Variants in MTFR1 observed in about 807,000 individuals in gnomAD.
The protein encoded by MTFR1 is mitochondrial fission regulator 1.
A neutral mutation model predicts 38.8 loss-of-function variants in MTFR1; 28 were observed. The observed-to-expected ratio is 0.72, with a 90% CI of 0.53 to 0.99. The LOEUF (loss-of-function observed/expected upper bound fraction) is 0.99, where lower values mean the gene tolerates loss of function less well. MTFR1 is among the 50% of genes least tolerant of loss of function. The probability of loss-of-function intolerance (pLI) is 0.00; values close to 1 mark genes in which losing one functional copy is unlikely to be tolerated. For synonymous variants in MTFR1, 145 were observed against 137.0 expected (o/e 1.06, Z -0.41); for missense variants, 358 against 395.5 (o/e 0.91, Z 0.81).
chr8:65,703,862 T>C (rs1805696356), intron 4 of MTFR1, among the ~76,000 whole-genome samples: 1 of 152,228 alleles, frequency 6.6e-6, no homozygotes, highest in South Asian at 2.1e-4. Flanking sequence ...TTAATAGCCC[T>C]CTGTTCTTAA....
rs75536487 is a variant in MTFR1, at chr8:65,651,158, A to G, written c.-81+6374A>G. On this transcript the variant is annotated intron_variant, in intron 1 of 7. Coordinates refer to ENST00000262146, the MANE Select transcript of MTFR1 (RefSeq NM_014637.4). ...AATTAGATTATTCGATTTCTTTCCT[A>G]TTGAATTGTTTGAGCTACTTATGTA... Among the ~76,000 whole-genome samples the G allele has an allele frequency of 7.9e-5, 12 of 152,186 alleles. No homozygotes were observed. The East Asian group carries it at 1.7e-3, about 22-fold the overall frequency.
chr8:65,713,439 AACACACACACACAC>A (rs144454204), downstream of MTFR1, among the ~76,000 whole-genome samples: 179 of 137,552 alleles, frequency 1.3e-3, 1 homozygote, highest in African/African-American at 3.1e-3. Context: ...TCCCATCTCA[AACACACACACACAC>A]ACACACACAC....
intron 3 of MTFR1, chr8:65,720,605 GCTTT>G (rs369734511): frequency 2.6e-5 from 4 of 153,816 alleles, no homozygotes; most frequent in African/African-American, 9.6e-5. Context: ...GTGCAATAAG[GCTTT>G]CTTTCTTTCA....
At chr8:65,727,898 CAATCTTGCACACCAGA>C (rs1806675996) in intron 3 of MTFR1, 1 of 152,184 alleles carries the variant, frequency 6.6e-6, no homozygotes, top group Admixed American at 6.5e-5. Flanking sequence ...TCAGGGAAAG[CAATCTTGCACACCAGA>C]AATTGTAACT....
intron 3 of MTFR1, among the ~76,000 whole-genome samples, chr8:65,729,329 G>A (rs1169917769): frequency 1.5e-5 from 2 of 134,216 alleles, no homozygotes; most frequent in Non-Finnish European, 3.1e-5. Context: ...ATTTCCCATT[G>A]TAATGGTTAT....
intron 1 of MTFR1, among the ~76,000 whole-genome samples, chr8:65,659,656 G>T (rs1809358724): frequency 6.6e-6 from 1 of 152,184 alleles, no homozygotes. Flanking sequence ...GATTAGATCT[G>T]ACAGGAAGCG....
intron 3 of MTFR1, among the ~76,000 whole-genome samples, chr8:65,684,015 A>G (rs1252050950): frequency 3.9e-5 from 6 of 152,204 alleles, no homozygotes; most frequent in Non-Finnish European, 8.8e-5. Flanking sequence ...CTTTCTGGTT[A>G]ACTATCTTAC....
intron 2 of MTFR1, 99 bp downstream of exon 2, chr8:65,670,117 A>C (rs1324061154): frequency 6.1e-6 from 6 of 987,338 alleles, no homozygotes; most frequent in Non-Finnish European, 9.1e-6. Context: ...CAACATCTTG[A>C]ATTCAATATG....
chr8:65,753,936 C>T (rs1808092988), intron 3 of MTFR1, among the ~76,000 whole-genome samples: 1 of 151,814 alleles, frequency 6.6e-6, no homozygotes, highest in Admixed American at 6.6e-5. Context: ...ATAATATAGT[C>T]ACCCCAGATC....
At chr8:65,754,397 T>A (rs978780778) in intron 3 of MTFR1, among the ~76,000 whole-genome samples, 2 of 151,936 alleles carry the variant, frequency 1.3e-5, no homozygotes, top group Non-Finnish European at 2.9e-5. Context: ...AACCATCATA[T>A]ACCTCCTTTC....
downstream of MTFR1, among the ~76,000 whole-genome samples, chr8:65,711,094 T>TCTTTA (rs1478035056): frequency 2.0e-5 from 3 of 152,262 alleles, no homozygotes; most frequent in Admixed American, 2.0e-4. Flanking sequence ...AAATAATTTA[T>TCTTTA]CTTTACTTTT....
intron 3 of MTFR1, among the ~76,000 whole-genome samples, chr8:65,764,147 T>C (rs548205984): frequency 1.6e-4 from 24 of 152,240 alleles, no homozygotes; most frequent in Admixed American, 7.8e-4. Context: ...GGAATTACAA[T>C]AGAAAAGAGA....
At chr8:65,661,370 G>A (rs760806435) in intron 1 of MTFR1, among the ~76,000 whole-genome samples, 16 of 152,172 alleles carry the variant, frequency 1.1e-4, no homozygotes, top group Admixed American at 2.0e-4. Context: ...AATAAACTCT[G>A]TTTTAGCCTG....
intron 1 of MTFR1, among the ~76,000 whole-genome samples, chr8:65,655,956 A>ATG (rs1563432810): frequency 2.4e-4 from 5 of 20,674 alleles, no homozygotes; most frequent in African/African-American, 4.3e-4. Flanking sequence ...AAAAAAATAT[A>ATG]TATATATATA....
intron 3 of MTFR1, among the ~76,000 whole-genome samples, chr8:65,759,553 T>C (rs1808396962): frequency 6.6e-6 from 1 of 152,196 alleles, no homozygotes; most frequent in South Asian, 2.1e-4. Context: ...CTTCAACAAG[T>C]ACTCTCTTGG....
intron 3 of MTFR1, among the ~76,000 whole-genome samples, chr8:65,760,334 TATC>T (rs1808430038): frequency 1.3e-5 from 2 of 152,366 alleles, no homozygotes; most frequent in African/African-American, 4.8e-5. Context: ...TGTATGAAAT[TATC>T]ATCACTTAAT....
intron 3 of MTFR1, among the ~76,000 whole-genome samples, chr8:65,750,486 G>C (rs1807885714): frequency 7.3e-6 from 1 of 136,078 alleles, no homozygotes; most frequent in Non-Finnish European, 1.5e-5. Flanking sequence ...GTGTGTGTGT[G>C]TGTGTGTGTG....
chr8:65,726,073 G>A (rs1377470947), intron 3 of MTFR1, among the ~76,000 whole-genome samples: 1 of 152,126 alleles, frequency 6.6e-6, no homozygotes, highest in East Asian at 1.9e-4. Flanking sequence ...AATTATGAAA[G>A]GGAAACCAGA....
intron 3 of MTFR1, among the ~76,000 whole-genome samples, chr8:65,745,671 A>T (rs868865093): frequency 6.6e-6 from 1 of 152,376 alleles, no homozygotes; most frequent in Middle Eastern, 3.4e-3. Context: ...GAAAAATGAA[A>T]CATTATTTTG....
Sources: gnomAD v4.1 joint callset for allele counts (sites outside exome capture counted in the v4.1 genomes callset) on GRCh38, gnomAD v4.1.1 for gene constraint, MANE v1.5 for transcripts, NCBI Gene and HGNC (gene_info 2026-07-23, HGNC 2026-07-21) for gene names.